The following ATG5 variants were observed in gnomAD, a reference collection of about 807,000 sequenced individuals.
The protein encoded by ATG5 is autophagy protein 5.
ATG5 carries 14 observed loss-of-function variants against 36.5 expected under a neutral mutation model. The ratio of observed to expected loss-of-function variants is 0.38; its 90% CI spans 0.25 to 0.60. The LOEUF (loss-of-function observed/expected upper bound fraction) is 0.60, where lower values mean the gene tolerates loss of function less well. Ranked by LOEUF, ATG5 falls within the 20% of genes least tolerant of loss-of-function variation. The probability of loss-of-function intolerance (pLI) is 0.60; values close to 1 mark genes in which losing one functional copy is unlikely to be tolerated. For synonymous variants in ATG5, 95 were observed against 101.5 expected, an observed-to-expected ratio of 0.94 and a Z score of 0.38; for missense variants, 195 against 326.7, an observed-to-expected ratio of 0.60 and a Z score of 3.11.
chr6:106,307,680 G>GC (rs1385449643), intron 3 of ATG5, among the ~76,000 whole-genome samples: 2 of 151,940 alleles, frequency 1.3e-5, no homozygotes, highest in African/African-American at 2.4e-5. Flanking sequence ...CGGATTACAG[G>GC]CATGTGCCAC....
intron 5 of ATG5, among the ~76,000 whole-genome samples, chr6:106,276,967 T>TA (rs1314238707): frequency 6.6e-5 from 10 of 152,190 alleles, no homozygotes; most frequent in Admixed American, 6.5e-4. Context: ...GCAAAGCTTA[T>TA]AACCTAGTTG....
chr6:106,291,103 G>T (rs980838045), intron 4 of ATG5, among the ~76,000 whole-genome samples: 1 of 152,122 alleles, frequency 6.6e-6, no homozygotes, highest in African/African-American at 2.4e-5. Context: ...AAAAATAAGT[G>T]GCCAGTTCAG....
intron 4 of ATG5, among the ~76,000 whole-genome samples, chr6:106,284,541 G>A (rs1249346986): frequency 2.0e-5 from 3 of 150,500 alleles, no homozygotes; most frequent in African/African-American, 7.3e-5. Context: ...TTTTAGTAGA[G>A]ATGAGTTCTC....
intron 5 of ATG5, among the ~76,000 whole-genome samples, chr6:106,253,016 T>C (rs1349205991): frequency 1.3e-5 from 2 of 152,346 alleles, no homozygotes; most frequent in East Asian, 1.9e-4. Context: ...GATCATGTAA[T>C]AATTGTATTG....
At chr6:106,231,709 C>T (rs1777700542) in intron 6 of ATG5, among the ~76,000 whole-genome samples, 1 of 152,128 alleles carries the variant, frequency 6.6e-6, no homozygotes, top group African/African-American at 2.4e-5. Context: ...CAGTCAGCTA[C>T]AGACATTAGG....
intron 5 of ATG5, among the ~76,000 whole-genome samples, chr6:106,259,342 T>C (rs931623808): frequency 6.6e-6 from 1 of 152,224 alleles, no homozygotes; most frequent in Admixed American, 6.5e-5. Flanking sequence ...AAAACTTCAA[T>C]CAGGATTTCC....
rs376597646 is a variant in ATG5, at chr6:106,253,104, G to A, written c.479-4860C>T. On this transcript the variant is annotated intron_variant, in intron 5 of 7. Coordinates refer to ENST00000369076, the MANE Select transcript of ATG5 (RefSeq NM_004849.4). ...CCCATATGAATTAATTTCTTCATAC[G>A]TAATATGTTAAACATCTCTGTAAGA... 5.9e-5 allele frequency among the ~76,000 whole-genome samples: 9 copies of A among 152,236 alleles called. No individual in the cohort carries two copies. The South Asian group carries it at 8.3e-4, about 14-fold the overall frequency.
intron 5 of ATG5, among the ~76,000 whole-genome samples, chr6:106,272,261 A>G (rs1473820720): frequency 6.6e-6 from 1 of 152,342 alleles, no homozygotes; most frequent in East Asian, 1.9e-4. Context: ...GGATGTCTTA[A>G]AAAGGGAAAT....
chr6:106,206,975 T>C (rs548278184), intron 6 of ATG5, among the ~76,000 whole-genome samples: 2 of 152,184 alleles, frequency 1.3e-5, no homozygotes, highest in African/African-American at 4.8e-5. Flanking sequence ...ATCTAAATCT[T>C]AGGTTGACAG....
chr6:106,219,161 G>C (rs988524240), intron 6 of ATG5, among the ~76,000 whole-genome samples: 5 of 152,022 alleles, frequency 3.3e-5, no homozygotes, highest in African/African-American at 1.2e-4. Context: ...ATCTATGCTT[G>C]GAAAATTTAG....
At chr6:106,198,664 C>T (rs546826065) in intron 7 of ATG5, among the ~76,000 whole-genome samples, 2 of 152,006 alleles carry the variant, frequency 1.3e-5, no homozygotes, top group Admixed American at 1.3e-4. Context: ...GTAATCCCAG[C>T]TACTAGGGAG....
chr6:106,321,411 T>G (rs1202290955), intron 1 of ATG5, among the ~76,000 whole-genome samples: 1 of 151,338 alleles, frequency 6.6e-6, no homozygotes, highest in Non-Finnish European at 1.5e-5. Flanking sequence ...CAGGATGGAG[T>G]GCAGTGGCGC....
At position 106,185,254 on chromosome 6, in the gene ATG5, A is replaced by G. The variant is rs1313766095; in HGVS notation, c.*1286T>C. The G allele has an allele frequency of 6.5e-6, 1 of 152,790 alleles. No individual in the cohort carries two copies. Among genetic ancestry groups the G allele is most frequent in the Non-Finnish European group, 1.5e-5 (1 of 68,040 alleles). 9.5% of individuals were successfully genotyped at this position (152,790 alleles called of 1,614,324 possible). On this transcript the variant is annotated 3_prime_UTR_variant, in exon 8 of 8. Transcript: ENST00000369076. The stretch of plus-strand genomic sequence containing the variant: ...CACTTCAGCATTTGTATAATTTTTT[A>G]TAAGAAAAACATTCATTTTTATTAT...
chr6:106,228,540 G>C (rs1343769609), intron 6 of ATG5, among the ~76,000 whole-genome samples: 1 of 152,010 alleles, frequency 6.6e-6, no homozygotes, highest in African/African-American at 2.4e-5. Flanking sequence ...GAATCCATGA[G>C]GCCAAGAACC....
intron 6 of ATG5, among the ~76,000 whole-genome samples, chr6:106,234,228 T>C (rs1262125443): frequency 6.6e-6 from 1 of 152,056 alleles, no homozygotes; most frequent in East Asian, 1.9e-4. Context: ...CTCTTAAAAC[T>C]ACATGAAACC....
At chr6:106,231,784 C>T (rs1372373822) in intron 6 of ATG5, among the ~76,000 whole-genome samples, 1 of 152,034 alleles carries the variant, frequency 6.6e-6, no homozygotes. Context: ...AACTTGGCAA[C>T]CTCAGTTTTT....
chr6:106,233,815 T>C (rs982886841), intron 6 of ATG5, among the ~76,000 whole-genome samples: 3 of 152,064 alleles, frequency 2.0e-5, no homozygotes, highest in African/African-American at 7.2e-5. Context: ...TCTTACCCCC[T>C]TTCACTCTCA....
intron 5 of ATG5, among the ~76,000 whole-genome samples, chr6:106,250,712 C>A (rs554124273): frequency 6.6e-6 from 1 of 152,160 alleles, no homozygotes; most frequent in Non-Finnish European, 1.5e-5. Context: ...ATCTCAAGCA[C>A]CTAGCATGGT....
chr6:106,234,284 A>G (rs1341957430), intron 6 of ATG5, among the ~76,000 whole-genome samples: 1 of 152,102 alleles, frequency 6.6e-6, no homozygotes. Flanking sequence ...TACCACCCTC[A>G]CTGGGCTCCA....
Sources: allele counts gnomAD v4.1 joint callset (sites outside exome capture counted in the v4.1 genomes callset), GRCh38; gene constraint gnomAD v4.1.1; transcripts MANE v1.5; gene names NCBI Gene and HGNC (gene_info 2026-07-23, HGNC 2026-07-21).